Variants in PDE1B observed in about 807,000 individuals in gnomAD.
PDE1B encodes dual specificity calcium/calmodulin-dependent 3',5'-cyclic nucleotide phosphodiesterase 1B.
A neutral mutation model predicts 66.7 loss-of-function variants in PDE1B; 13 were observed. The ratio of observed to expected loss-of-function variants is 0.19; its 90% CI spans 0.13 to 0.31. The LOEUF (loss-of-function observed/expected upper bound fraction) is 0.31. Among genes scored for constraint, PDE1B ranks in the 10% least tolerant of loss-of-function variants. PDE1B has a pLI of 1.00. For synonymous variants in PDE1B, 230 were observed against 253.9 expected (o/e 0.91, Z 0.90); for missense variants, 485 against 682.3 (o/e 0.71, Z 3.22).
At chr12:54,577,405 G>T in intron 15 of PDE1B, 60 bp downstream of exon 15, 1 of 1,607,976 alleles carries the variant, frequency 6.2e-7, no homozygotes, top group Non-Finnish European at 8.5e-7. Context: ...ATCTTTGTTG[G>T]GTCGTCTCTG....
rs76539153 is a variant in PDE1B, at chr12:54,575,457, A to G, written c.1186-94A>G. ...GTCAACAGTGCAGAAATTTCACACA[A>G]CAACCCCCCACCCCCACCACTTGCC... On this transcript the variant is annotated intron_variant, in intron 11 of 15. Coordinates refer to ENST00000243052, the MANE Select transcript of PDE1B (RefSeq NM_000924.4). The surrounding 1 kb of genome is among the most constrained non-coding windows in gnomAD (Gnocchi z 4.0). 6,052 of 895,304 alleles carry G rather than the reference A, an allele frequency of 6.8e-3. 227 individuals carry two copies. The African/African-American group carries it at 0.086, about 13-fold the overall frequency. 55.5% of individuals were successfully genotyped at this position (895,304 alleles called of 1,614,324 possible). A position where few individuals can be genotyped will look rare whatever the true frequency, so the allele number is the denominator to read the frequency against.
intron 2 of PDE1B, among the ~76,000 whole-genome samples, chr12:54,553,655 T>C (rs377260524): frequency 6.6e-6 from 1 of 152,288 alleles, no homozygotes. Context: ...GGTTCTGTGG[T>C]GCGTGTATAC....
chr12:54,555,104 G>A (rs1369834479), intron 2 of PDE1B, among the ~76,000 whole-genome samples: 3 of 152,180 alleles, frequency 2.0e-5, no homozygotes. Flanking sequence ...TATGAAGGAT[G>A]TGGGCCACTG....
intron 2 of PDE1B, among the ~76,000 whole-genome samples, chr12:54,565,961 A>C (rs1957508099): frequency 6.6e-6 from 1 of 152,192 alleles, no homozygotes; most frequent in African/African-American, 2.4e-5. Flanking sequence ...GTGGGGAATT[A>C]TGATGGCCAC....
Position 54,549,932 on chromosome 12 carries a change from C to A in PDE1B, c.60C>A (p.Pro20=), listed in dbSNP as rs201786340. The A allele has an allele frequency of 1.2e-6, 2 of 1,614,158 alleles. No individual in the cohort carries two copies. The highest frequency in any genetic ancestry group is 4.5e-5 in the East Asian group (2 of 44,872). ...EMLEESDCPS[P]LELKSAPSKK... is the part of the protein sequence containing the mutation. ...TGGAGGAGTCGGATTGCCCGTCACC[C>A]CTGGAGCTGAAGTCAGCCCCCAGCA... The change falls in exon 2 of 16, where the codon CCC becomes CCA. Residue 20 remains proline, a synonymous_variant. Transcript: ENST00000243052.
At chr12:54,568,200 A>C (rs140191420) in intron 3 of PDE1B, among the ~76,000 whole-genome samples, 1,840 of 152,244 alleles carry the variant, frequency 0.012, 46 homozygotes, top group African/African-American at 0.042. Flanking sequence ...GTGATGGTTC[A>C]TGCCTGTAAT....
intron 2 of PDE1B, among the ~76,000 whole-genome samples, chr12:54,557,773 G>T (rs1957360830): frequency 6.6e-6 from 1 of 152,198 alleles, no homozygotes; most frequent in Non-Finnish European, 1.5e-5. Context: ...AGGGCTGGTG[G>T]GGTGGTCCAT....
chr12:54,550,084 CTCTT>C, intron 2 of PDE1B, 99 bp downstream of exon 2: 1 of 1,491,270 alleles, frequency 6.7e-7, no homozygotes, highest in African/African-American at 1.4e-5. Context: ...CTGGTAGATT[CTCTT>C]TGGCACAGAT....
At chr12:54,565,061 T>C (rs894301475) in intron 2 of PDE1B, among the ~76,000 whole-genome samples, 11 of 152,246 alleles carry the variant, frequency 7.2e-5, no homozygotes, top group African/African-American at 2.7e-4. Flanking sequence ...TTAGCGATTA[T>C]GCAAATACAT....
intron 2 of PDE1B, among the ~76,000 whole-genome samples, chr12:54,556,786 A>G (rs182803017): frequency 2.0e-5 from 3 of 151,374 alleles, no homozygotes; most frequent in Admixed American, 1.3e-4. Context: ...ATTTGCAAAT[A>G]ATTATGGTGG....
intron 2 of PDE1B, among the ~76,000 whole-genome samples, chr12:54,557,732 T>G (rs1050441788): frequency 2.6e-5 from 4 of 152,196 alleles, no homozygotes; most frequent in Non-Finnish European, 4.4e-5. Flanking sequence ...GCAGGGCATC[T>G]GCTGGGAACA....
At chr12:54,554,698 G>A (rs1234247698) in intron 2 of PDE1B, among the ~76,000 whole-genome samples, 2 of 152,156 alleles carry the variant, frequency 1.3e-5, no homozygotes, top group African/African-American at 4.8e-5. Context: ...GCAGAGTGGT[G>A]GTAGTGGAAG....
chr12:54,563,626 C>G (rs1957460815), intron 2 of PDE1B, among the ~76,000 whole-genome samples: 1 of 152,130 alleles, frequency 6.6e-6, no homozygotes. Flanking sequence ...TGGGTTAGGA[C>G]CACCATGATT....
chr12:54,560,866 C>T (rs1320356699), intron 2 of PDE1B, among the ~76,000 whole-genome samples: 1 of 152,092 alleles, frequency 6.6e-6, no homozygotes, highest in Non-Finnish European at 1.5e-5. Context: ...TTGCCCAATC[C>T]CTTGGTTTCT....
Position 54,573,870 on chromosome 12 carries a change from A to AGAGAGTGTGT in PDE1B, c.1064+162_1064+163insAGAGTGTGTG, listed in dbSNP as rs774810310. 3.7e-3 allele frequency: 1,835 copies of AGAGAGTGTGT among 501,638 alleles called. 2 individuals are homozygous for AGAGAGTGTGT. Among genetic ancestry groups the AGAGAGTGTGT allele is most frequent in the Non-Finnish European group, 4.6e-3 (1,285 of 282,130 alleles). 31.1% of individuals were successfully genotyped at this position (501,638 alleles called of 1,614,324 possible). On this transcript the variant is annotated intron_variant, in intron 10 of 15. Transcript: ENST00000243052. The surrounding 1 kb of genome is among the most constrained non-coding windows in gnomAD (Gnocchi z 5.2). ...GCATCTCTATGTGAGAGAGAGAGAG[A>AGAGAGTGTGT]GTGTGTGTGTGTGTGTGTGTGTGTG...
Position 54,575,662 on chromosome 12 carries a change from G to A in PDE1B, c.1267+30G>A. Reference sequence around the variant, plus strand: ...GTGTCCTCTCCTGCAGGAAGGGGAGGACTGGGAGGGGGAAAAGATGCTGCC... The same window carrying A: ...GTGTCCTCTCCTGCAGGAAGGGGAGAACTGGGAGGGGGAAAAGATGCTGCC... On this transcript the variant is annotated intron_variant, in intron 12 of 15. Transcript: ENST00000243052. The surrounding 1 kb of genome is among the most constrained non-coding windows in gnomAD (Gnocchi z 4.0). The A allele has an allele frequency of 1.4e-6, 2 of 1,464,614 alleles. No individual in the cohort carries two copies. Among genetic ancestry groups the A allele is most frequent in the African/African-American group, 1.4e-5 (1 of 72,286 alleles). 90.7% of individuals were successfully genotyped at this position (1,464,614 alleles called of 1,614,324 possible).
chr12:54,570,113 A>G (rs1409943706), intron 5 of PDE1B, 128 bp from the exon 6 acceptor site: 2 of 667,688 alleles, frequency 3.0e-6, no homozygotes, highest in South Asian at 1.7e-5. Context: ...GGGAAGAAAG[A>G]GGCACACTTT....
intron 2 of PDE1B, among the ~76,000 whole-genome samples, chr12:54,561,158 G>A (rs965435174): frequency 3.9e-5 from 6 of 151,944 alleles, no homozygotes; most frequent in African/African-American, 1.5e-4. Flanking sequence ...TTCCCCTCCC[G>A]CTACAGACCT....
intron 2 of PDE1B, among the ~76,000 whole-genome samples, chr12:54,555,578 G>C (rs1330907240): frequency 6.6e-6 from 1 of 152,134 alleles, no homozygotes; most frequent in Non-Finnish European, 1.5e-5. Context: ...AGGAATGGTA[G>C]CTTCCCTATC....
Sources: gnomAD v4.1 joint callset for allele counts (sites outside exome capture counted in the v4.1 genomes callset) on GRCh38, gnomAD v4.1.1 for gene constraint, Gnocchi (gnomAD v3.1) non-coding constraint, MANE v1.5 for transcripts, NCBI Gene and HGNC (gene_info 2026-07-23, HGNC 2026-07-21) for gene names.